The following PALS2 variants were observed in gnomAD, a reference collection of about 807,000 sequenced individuals.
PALS2 encodes protein PALS2.
Under a neutral mutation model 61.6 loss-of-function variants are expected in PALS2, and 27 were observed. The ratio of observed to expected loss-of-function variants is 0.44; its 90% CI spans 0.32 to 0.60. The LOEUF (loss-of-function observed/expected upper bound fraction) is 0.60, where lower values mean the gene tolerates loss of function less well. Among genes scored for constraint, PALS2 ranks in the 20% least tolerant of loss-of-function variants. The pLI, the probability that PALS2 is intolerant of heterozygous loss-of-function variation, is 0.05. For synonymous variants in PALS2, 236 were observed against 218.6 expected (o/e 1.08, Z -0.70); for missense variants, 554 against 639.4 (o/e 0.87, Z 1.44).
intron 3 of PALS2, among the ~76,000 whole-genome samples, chr7:24,644,284 G>A (rs1785718744): frequency 6.6e-6 from 1 of 151,828 alleles, no homozygotes; most frequent in South Asian, 2.1e-4. Context: ...GTAGACCCCA[G>A]TCTCTGTTTT....
chr7:24,590,546 T>C (rs1252579323), intron 1 of PALS2, among the ~76,000 whole-genome samples: 1 of 152,134 alleles, frequency 6.6e-6, no homozygotes, highest in Non-Finnish European at 1.5e-5. Flanking sequence ...GTGATATTTT[T>C]TTCTGCTAAT....
chr7:24,667,963 G>A (rs1474180443), intron 8 of PALS2, among the ~76,000 whole-genome samples: 2 of 151,784 alleles, frequency 1.3e-5, no homozygotes, highest in Non-Finnish European at 2.9e-5. Context: ...ACCATGCCCA[G>A]CCCGATTAGA....
chr7:24,583,890 C>T (rs1026951000), intron 1 of PALS2, among the ~76,000 whole-genome samples: 4 of 151,770 alleles, frequency 2.6e-5, no homozygotes, highest in African/African-American at 9.7e-5. Flanking sequence ...CAGTTCCCAC[C>T]TATGAGTGAG....
chr7:24,636,875 T>A (rs1562630749), intron 2 of PALS2, among the ~76,000 whole-genome samples: 1 of 152,164 alleles, frequency 6.6e-6, no homozygotes, highest in Non-Finnish European at 1.5e-5. Flanking sequence ...ATTTTGACTT[T>A]GTCGATTTTT....
chr7:24,603,285 T>G (rs1783782131), intron 1 of PALS2, among the ~76,000 whole-genome samples: 1 of 152,176 alleles, frequency 6.6e-6, no homozygotes, highest in Admixed American at 6.6e-5. Flanking sequence ...CCAAAAGTTG[T>G]GGAGTGACTT....
intron 3 of PALS2, among the ~76,000 whole-genome samples, chr7:24,647,999 T>C (rs1256542656): frequency 1.3e-5 from 2 of 152,144 alleles, no homozygotes; most frequent in Non-Finnish European, 2.9e-5. Context: ...AAGGAGGATA[T>C]AGGGTGGAAA....
chr7:24,625,631 G>C (rs554872944), intron 2 of PALS2, among the ~76,000 whole-genome samples: 9 of 152,234 alleles, frequency 5.9e-5, no homozygotes, highest in Admixed American at 2.0e-4. Context: ...TTAAAAACTG[G>C]TGGGAGTAAA....
At chr7:24,650,877 A>G (rs1192406921) in intron 5 of PALS2, among the ~76,000 whole-genome samples, 165 bp downstream of exon 5, 1 of 152,170 alleles carries the variant, frequency 6.6e-6, no homozygotes, top group Non-Finnish European at 1.5e-5. Flanking sequence ...TGAATTTTTA[A>G]ACAATGCTAT....
intron 2 of PALS2, among the ~76,000 whole-genome samples, chr7:24,636,081 G>A (rs571331217): frequency 3.2e-4 from 49 of 151,872 alleles, no homozygotes; most frequent in Non-Finnish European, 4.3e-4. Flanking sequence ...GCATGGTGGC[G>A]CATGCCTGTA....
chr7:24,677,612 T>G (rs1224831618), intron 9 of PALS2, among the ~76,000 whole-genome samples: 1 of 152,208 alleles, frequency 6.6e-6, no homozygotes, highest in Non-Finnish European at 1.5e-5. Context: ...AGGCCTTTTC[T>G]GCATCTATTG....
At chr7:24,576,922 A>G (rs1025374724) in intron 1 of PALS2, among the ~76,000 whole-genome samples, 2 of 152,196 alleles carry the variant, frequency 1.3e-5, no homozygotes, top group South Asian at 2.1e-4. Flanking sequence ...TTTGTTAACC[A>G]TTAAGCTGTG....
chr7:24,640,209 T>G (rs997394286), intron 2 of PALS2, among the ~76,000 whole-genome samples: 2 of 152,152 alleles, frequency 1.3e-5, no homozygotes, highest in Admixed American at 1.3e-4. Flanking sequence ...GAGTTTTTTC[T>G]TCTTTCTCGG....
intron 11 of PALS2, among the ~76,000 whole-genome samples, chr7:24,685,058 T>C (rs1401771141): frequency 6.6e-6 from 1 of 152,132 alleles, no homozygotes; most frequent in Non-Finnish European, 1.5e-5. Flanking sequence ...ACCCATCATC[T>C]AGGTATTTAG....
At chr7:24,608,390 C>T (rs893238465) in intron 1 of PALS2, among the ~76,000 whole-genome samples, 1 of 152,102 alleles carries the variant, frequency 6.6e-6, no homozygotes, top group African/African-American at 2.4e-5. Flanking sequence ...AACTCAAATA[C>T]ATTTTCTTCT....
chr7:24,605,046 A>T (rs1391299201), intron 1 of PALS2, among the ~76,000 whole-genome samples: 4 of 152,172 alleles, frequency 2.6e-5, no homozygotes, highest in Non-Finnish European at 1.5e-5. Flanking sequence ...GCACCCTTAA[A>T]AGACTGCCTT....
intron 1 of PALS2, among the ~76,000 whole-genome samples, chr7:24,582,608 GTCT>G (rs1467162336): frequency 6.6e-6 from 1 of 151,662 alleles, no homozygotes; most frequent in African/African-American, 2.4e-5. Flanking sequence ...GAGTGGATTT[GTCT>G]TCTTTTTATT....
At position 24,687,548 on chromosome 7, in the gene PALS2, A is replaced by C; in HGVS notation, c.1557A>C (p.Lys519Asn). The C allele has an allele frequency of 6.2e-7, 1 of 1,613,162 alleles. No homozygotes were observed. The highest frequency in any genetic ancestry group is 1.1e-5 in the South Asian group (1 of 90,848). The change falls in exon 12 of 12, where the codon AAA becomes AAC. Residue 519 changes from lysine (K) to asparagine (N), a missense_variant. Transcript: ENST00000222644. The surrounding 1 kb of genome is among the most constrained non-coding windows in gnomAD (Gnocchi z 4.5). ...INDNLDKAFEKLQTAIEKLRM... is the reference protein window; with the variant it reads ...INDNLDKAFENLQTAIEKLRM... Reference sequence around the variant, plus strand: ...ATAATCTAGACAAAGCCTTTGAAAAACTGCAAACTGCCATAGAGAAACTGA... The same window carrying C: ...ATAATCTAGACAAAGCCTTTGAAAACCTGCAAACTGCCATAGAGAAACTGA...
At chr7:24,604,219 G>GAAAAAAAAA (rs58169190) in intron 1 of PALS2, among the ~76,000 whole-genome samples, 3 of 86,112 alleles carry the variant, frequency 3.5e-5, no homozygotes, top group African/African-American at 6.8e-5. Flanking sequence ...TTCAAGAAAA[G>GAAAAAAAAA]AAAAAAAAAA....
At chr7:24,613,586 T>G (rs1487360806) in intron 1 of PALS2, among the ~76,000 whole-genome samples, 2 of 151,862 alleles carry the variant, frequency 1.3e-5, no homozygotes, top group Admixed American at 1.3e-4. Flanking sequence ...TTTCATTTAT[T>G]TGTGTTGGGA....
Sources: allele counts gnomAD v4.1 joint callset (sites outside exome capture counted in the v4.1 genomes callset), GRCh38; gene constraint gnomAD v4.1.1; non-coding constraint Gnocchi (gnomAD v3.1); transcripts MANE v1.5; gene names NCBI Gene and HGNC (gene_info 2026-07-23, HGNC 2026-07-21).